The following RBFOX1 variants were observed in gnomAD, a reference collection of about 807,000 sequenced individuals.
The protein encoded by RBFOX1 is RNA binding fox-1 homolog 1.
RBFOX1 carries 8 observed loss-of-function variants against 57.7 expected under a neutral mutation model. That is an observed-to-expected ratio of 0.14 (90% CI 0.08 to 0.25). The LOEUF is 0.25. Among genes scored for constraint, RBFOX1 ranks in the 10% least tolerant of loss-of-function variants. The pLI is 1.00. For synonymous variants in RBFOX1, 326 were observed against 222.4 expected (o/e 1.47, Z -4.15); for missense variants, 611 against 548.5 (o/e 1.11, Z -1.14).
chr16:6,291,587 A>G (rs1400220290), intron 1 of RBFOX1, among the ~76,000 whole-genome samples: 2 of 152,212 alleles, frequency 1.3e-5, no homozygotes, highest in Non-Finnish European at 2.9e-5. Flanking sequence ...ATGGAAAGCT[A>G]CATACCTCCC....
At chr16:7,285,576 C>T (rs2095634437) in intron 4 of RBFOX1, among the ~76,000 whole-genome samples, 1 of 151,142 alleles carries the variant, frequency 6.6e-6, no homozygotes, top group East Asian at 1.9e-4. Flanking sequence ...TTCTGGCAAA[C>T]ACTAATTTTC....
chr16:7,382,685 A>G (rs1280568352), intron 4 of RBFOX1, among the ~76,000 whole-genome samples: 1 of 152,230 alleles, frequency 6.6e-6, no homozygotes, highest in African/African-American at 2.4e-5. Flanking sequence ...TCATTTTCTA[A>G]CAGAGGATAG....
chr16:7,690,721 A>T (rs557699059), intron 14 of RBFOX1, among the ~76,000 whole-genome samples: 75 of 152,140 alleles, frequency 4.9e-4, no homozygotes, highest in African/African-American at 1.8e-3. Flanking sequence ...CGTCTCTTTG[A>T]TCATATGTGT....
chr16:6,708,670 A>G (rs1303571870), intron 3 of RBFOX1, among the ~76,000 whole-genome samples: 4 of 152,218 alleles, frequency 2.6e-5, no homozygotes, highest in East Asian at 1.9e-4. Flanking sequence ...TTAATTTCCA[A>G]TTAATCAAAC....
intron 2 of RBFOX1, among the ~76,000 whole-genome samples, chr16:6,565,011 T>G (rs1311392115): frequency 6.6e-6 from 1 of 151,182 alleles, no homozygotes; most frequent in East Asian, 2.0e-4. Flanking sequence ...TGTGCTGGCA[T>G]GCACTTGTAA....
At chr16:5,740,245 G>A (rs1388892599) in intron 3 of RBFOX1, among the ~76,000 whole-genome samples, 2 of 152,126 alleles carry the variant, frequency 1.3e-5, no homozygotes, top group Non-Finnish European at 2.9e-5. Context: ...GTGCCCTGTT[G>A]ATCAGTCATC....
rs538844534 is a variant in RBFOX1, at chr16:6,900,578, G to A, written c.-15-151479G>A. Among the ~76,000 whole-genome samples, 154 of 152,228 alleles carry A rather than the reference G, an allele frequency of 1.0e-3. 2 individuals are homozygous for A. The highest frequency in any genetic ancestry group is 1.9e-3 in the Non-Finnish European group (129 of 68,028). On this transcript the variant is annotated intron_variant, in intron 3 of 15. Coordinates refer to ENST00000550418, the MANE Select transcript of RBFOX1 (RefSeq NM_018723.4). ...TACTCATTATTTCAGAGCCTTTTTAGTCTTTTCCAGTTTTAGCAATGTGCT... is the reference window on the plus strand; with the variant it reads ...TACTCATTATTTCAGAGCCTTTTTAATCTTTTCCAGTTTTAGCAATGTGCT...
At chr16:6,574,345 G>C (rs1264102937) in intron 2 of RBFOX1, among the ~76,000 whole-genome samples, 1 of 151,678 alleles carries the variant, frequency 6.6e-6, no homozygotes, top group East Asian at 2.0e-4. Flanking sequence ...CTGCCTGTGC[G>C]TCAGTTTTTC....
At chr16:7,203,041 C>G (rs1337355775) in intron 4 of RBFOX1, among the ~76,000 whole-genome samples, 1 of 152,194 alleles carries the variant, frequency 6.6e-6, no homozygotes, top group Admixed American at 6.5e-5. Context: ...CTGCCTCGGC[C>G]TCCCAAAGTG....
At chr16:7,703,450 T>A (rs759283117) in intron 14 of RBFOX1, among the ~76,000 whole-genome samples, 4 of 152,144 alleles carry the variant, frequency 2.6e-5, no homozygotes, top group Non-Finnish European at 5.9e-5. Context: ...CACCCAGCTA[T>A]CTCTGGGGTG....
At chr16:7,333,175 CTT>C in intron 4 of RBFOX1, 1 of 1,288,432 alleles carries the variant, frequency 7.8e-7, no homozygotes, top group South Asian at 1.2e-5. Context: ...AAAGCAAACA[CTT>C]TTAATACAGG....
chr16:5,796,771 C>T (rs2054893405), intron 3 of RBFOX1, among the ~76,000 whole-genome samples: 1 of 152,158 alleles, frequency 6.6e-6, no homozygotes, highest in South Asian at 2.1e-4. Flanking sequence ...AAGATTCAAC[C>T]CCAGCTCTGT....
chr16:6,625,756 T>C (rs1205555084), intron 2 of RBFOX1, among the ~76,000 whole-genome samples: 1 of 152,200 alleles, frequency 6.6e-6, no homozygotes, highest in African/African-American at 2.4e-5. Context: ...TGAGCCTCAT[T>C]ACATTTGCAA....
intron 2 of RBFOX1, among the ~76,000 whole-genome samples, chr16:6,598,977 G>C (rs1403069532): frequency 6.6e-6 from 1 of 152,102 alleles, no homozygotes; most frequent in Non-Finnish European, 1.5e-5. Flanking sequence ...AAACTCCTCT[G>C]TTTCCCATCC....
chr16:6,830,886 G>C (rs534999437), intron 3 of RBFOX1, among the ~76,000 whole-genome samples: 12 of 152,240 alleles, frequency 7.9e-5, no homozygotes, highest in African/African-American at 1.2e-4. Context: ...CCACCTCCTG[G>C]TCAGGTTGAC....
At chr16:7,192,780 A>C (rs1389115864) in intron 4 of RBFOX1, among the ~76,000 whole-genome samples, 1 of 152,238 alleles carries the variant, frequency 6.6e-6, no homozygotes, top group Non-Finnish European at 1.5e-5. Flanking sequence ...TGTGAGTCTA[A>C]AAGCATTTCA....
intron 4 of RBFOX1, among the ~76,000 whole-genome samples, chr16:7,277,593 G>A (rs1231143802): frequency 6.6e-6 from 1 of 152,044 alleles, no homozygotes; most frequent in East Asian, 1.9e-4. Context: ...ATAAAATACA[G>A]GTATTTAAGT....
At chr16:6,995,303 TGTGTGTGTG>T in intron 3 of RBFOX1, among the ~76,000 whole-genome samples, 1 of 132,806 alleles carries the variant, frequency 7.5e-6, no homozygotes, top group Non-Finnish European at 1.7e-5. Flanking sequence ...TGTGTGTGTG[TGTGTGTGTG>T]TGTGTGTGTG....
chr16:5,335,843 G>A (rs2064882100), intron 1 of RBFOX1, among the ~76,000 whole-genome samples: 1 of 152,084 alleles, frequency 6.6e-6, no homozygotes, highest in Admixed American at 6.5e-5. Context: ...ATCAAAAGAT[G>A]TTCTCAGACT....
Sources: allele counts gnomAD v4.1 joint callset (sites outside exome capture counted in the v4.1 genomes callset), GRCh38; gene constraint gnomAD v4.1.1; transcripts MANE v1.5; gene names NCBI Gene and HGNC (gene_info 2026-07-23, HGNC 2026-07-21).